CTNNA3: variants seen among roughly 807,000 people sequenced by gnomAD.
CTNNA3 encodes the protein catenin alpha-3.
Under a neutral mutation model 95.7 loss-of-function variants are expected in CTNNA3, and 76 were observed. The observed-to-expected ratio is 0.79, with a 90% CI of 0.66 to 0.96. The LOEUF (loss-of-function observed/expected upper bound fraction) is 0.96. Ranked by LOEUF, CTNNA3 falls within the 40% of genes least tolerant of loss-of-function variation. The probability of loss-of-function intolerance (pLI) is 0.00; values close to 1 mark genes in which losing one functional copy is unlikely to be tolerated. For synonymous variants in CTNNA3, 431 were observed against 374.4 expected (o/e 1.15, Z -1.74); for missense variants, 1,191 against 1,089.8 (o/e 1.09, Z -1.31).
intron 7 of CTNNA3, among the ~76,000 whole-genome samples, chr10:66,993,830 C>T (rs1375544927): frequency 6.6e-6 from 1 of 151,874 alleles, no homozygotes; most frequent in Non-Finnish European, 1.5e-5. Flanking sequence ...GTTAGGTCTT[C>T]TTTTATGTCC....
chr10:66,846,318 A>G (rs778449082), intron 7 of CTNNA3, among the ~76,000 whole-genome samples: 2 of 152,174 alleles, frequency 1.3e-5, no homozygotes, highest in Non-Finnish European at 2.9e-5. Flanking sequence ...GGGGAAATAA[A>G]TGTACAGTTG....
chr10:67,346,105 A>C (rs552089337), intron 5 of CTNNA3, among the ~76,000 whole-genome samples: 1 of 152,344 alleles, frequency 6.6e-6, no homozygotes, highest in Non-Finnish European at 1.5e-5. Flanking sequence ...AGAAACAAAC[A>C]AAAAGAAAAC....
At chr10:65,989,962 G>C (rs1412634300) in intron 15 of CTNNA3, among the ~76,000 whole-genome samples, 1 of 152,038 alleles carries the variant, frequency 6.6e-6, no homozygotes, top group Non-Finnish European at 1.5e-5. Flanking sequence ...GGAGGAGAAA[G>C]TGATATTTGT....
intron 17 of CTNNA3, among the ~76,000 whole-genome samples, chr10:65,959,218 C>T (rs554627793): frequency 2.1e-4 from 32 of 152,238 alleles, no homozygotes; most frequent in Non-Finnish European, 3.7e-4. Flanking sequence ...TCTCCTGGTG[C>T]GCCATTTGCT....
chr10:66,465,701 T>G (rs1357738722), intron 11 of CTNNA3, among the ~76,000 whole-genome samples: 1 of 152,016 alleles, frequency 6.6e-6, no homozygotes, highest in Non-Finnish European at 1.5e-5. Context: ...ACTTGCCATC[T>G]CCTGATGGGA....
chr10:67,761,094 A>T (rs991839874), intron 1 of CTNNA3, among the ~76,000 whole-genome samples: 2 of 152,230 alleles, frequency 1.3e-5, no homozygotes, highest in African/African-American at 4.8e-5. Flanking sequence ...CCTGTACAAC[A>T]TATTCAGTAG....
chr10:65,967,939 A>T (rs1279246833), intron 16 of CTNNA3, among the ~76,000 whole-genome samples: 1 of 152,250 alleles, frequency 6.6e-6, no homozygotes, highest in Non-Finnish European at 1.5e-5. Flanking sequence ...TCCCAAAATA[A>T]TGGAAAGACT....
At chr10:66,463,696 G>A (rs990509654) in intron 11 of CTNNA3, among the ~76,000 whole-genome samples, 1 of 152,000 alleles carries the variant, frequency 6.6e-6, no homozygotes, top group Non-Finnish European at 1.5e-5. Context: ...CTCTATTCTG[G>A]AAAGAAATGA....
chr10:66,907,058 A>G (rs1846018180), intron 7 of CTNNA3, among the ~76,000 whole-genome samples: 1 of 152,190 alleles, frequency 6.6e-6, no homozygotes, highest in Admixed American at 6.5e-5. Context: ...ATCAGGCTGC[A>G]TTGAATTTAT....
rs2077052070 is a variant in CTNNA3 at position 65,919,624 on chromosome 10, A to G, written c.*706T>C. On this transcript the variant is annotated 3_prime_UTR_variant, in exon 18 of 18. Coordinates refer to ENST00000433211, the MANE Select transcript of CTNNA3 (RefSeq NM_013266.4). ...GAACTCTCTAACACATTGGAAACCC[A>G]AAAGGTGAGTATGTGGCATCAGAAC... is the stretch of plus-strand genomic sequence containing the variant. 6.6e-6 allele frequency: 1 copy of G among 152,224 alleles called. No individual in the cohort carries two copies. The allele number at this position is 152,224 out of a possible 1,614,324, so 9.4% of individuals were successfully genotyped here. A position where few individuals can be genotyped will look rare whatever the true frequency, so the allele number is the denominator to read the frequency against.
intron 7 of CTNNA3, among the ~76,000 whole-genome samples, chr10:67,065,200 C>A (rs1473129533): frequency 6.6e-6 from 1 of 152,146 alleles, no homozygotes; most frequent in Non-Finnish European, 1.5e-5. Flanking sequence ...GTATTTGACA[C>A]ATATCGGGAG....
intron 13 of CTNNA3, among the ~76,000 whole-genome samples, chr10:66,110,077 G>C (rs1053712600): frequency 6.6e-6 from 1 of 151,870 alleles, no homozygotes; most frequent in African/African-American, 2.4e-5. Flanking sequence ...ATATTCAAAA[G>C]GGTCTGGGCA....
At chr10:67,574,333 T>C (rs1400271712) in intron 3 of CTNNA3, among the ~76,000 whole-genome samples, 1 of 152,194 alleles carries the variant, frequency 6.6e-6, no homozygotes, top group African/African-American at 2.4e-5. Flanking sequence ...AAAGTTTTGT[T>C]CCCCTACCTC....
At chr10:65,942,277 G>A (rs1010340333) in intron 17 of CTNNA3, among the ~76,000 whole-genome samples, 2 of 152,126 alleles carry the variant, frequency 1.3e-5, no homozygotes, top group Non-Finnish European at 2.9e-5. Context: ...TAAAACAGAA[G>A]GAAGCATCCA....
rs559077179 is a variant in CTNNA3 at position 66,050,764 on chromosome 10, A to G, written c.2159+18544T>C. Reference sequence around the variant, plus strand: ...TCCCACCTAGGAAGCTACTCATCCTATCAGATTGAGCTCAAATAGTTCTTC... The same window carrying G: ...TCCCACCTAGGAAGCTACTCATCCTGTCAGATTGAGCTCAAATAGTTCTTC... On this transcript the variant is annotated intron_variant, in intron 15 of 17. Coordinates refer to ENST00000433211, the MANE Select transcript of CTNNA3 (RefSeq NM_013266.4). 1.4e-4 allele frequency among the ~76,000 whole-genome samples: 21 copies of G among 152,130 alleles called. No individual in the cohort carries two copies. The South Asian group carries it at 4.2e-3, about 30-fold the overall frequency.
In CTNNA3 at chr10:66,227,812, G is replaced by A. The variant is rs140970045; in HGVS notation, c.1884+52658C>T. Among the ~76,000 whole-genome samples, 707 of 152,154 alleles carry A rather than the reference G, an allele frequency of 4.6e-3. 3 individuals carry two copies. Among genetic ancestry groups the A allele is most frequent in the African/African-American group, 0.016 (666 of 41,544 alleles). ...ATCTGGTCCTAGGCTTTGTGCTGTT[G>A]TTATTGGGAGATTTTTTATTTCTGA... On this transcript the variant is annotated intron_variant, in intron 13 of 17. Transcript: ENST00000433211.
At chr10:66,217,442 A>G (rs993040750) in intron 13 of CTNNA3, among the ~76,000 whole-genome samples, 3 of 151,910 alleles carry the variant, frequency 2.0e-5, no homozygotes, top group Admixed American at 2.0e-4. Context: ...TGATCCATCC[A>G]AATTGTTGCA....
rs938037400 is a variant in CTNNA3, at chr10:66,461,950, T to C, written c.1531+58667A>G. On this transcript the variant is annotated intron_variant, in intron 11 of 17. Coordinates refer to ENST00000433211, the MANE Select transcript of CTNNA3 (RefSeq NM_013266.4). ...GCCTCAGCCTCCTGAGTAGCTGGGA[T>C]TACAGGTGCGTGCCACCACACCCGG... is the stretch of plus-strand genomic sequence containing the variant. 2.6e-5 allele frequency among the ~76,000 whole-genome samples: 4 copies of C among 151,402 alleles called. No individual in the cohort carries two copies. The East Asian group carries it at 7.9e-4, about 30-fold the overall frequency.
At chr10:67,600,180 T>C (rs1241282802) in intron 3 of CTNNA3, among the ~76,000 whole-genome samples, 2 of 152,040 alleles carry the variant, frequency 1.3e-5, no homozygotes, top group African/African-American at 4.8e-5. Flanking sequence ...TAAATTTCTG[T>C]ATTTCAAAAA....
Sources: allele counts gnomAD v4.1 joint callset (sites outside exome capture counted in the v4.1 genomes callset), GRCh38; gene constraint gnomAD v4.1.1; transcripts MANE v1.5; gene names NCBI Gene and HGNC (gene_info 2026-07-23, HGNC 2026-07-21).